Variants in SOS2 observed in about 807,000 individuals in gnomAD.
SOS2 encodes son of sevenless homolog 2.
A neutral mutation model predicts 148.2 loss-of-function variants in SOS2; 65 were observed. That is an observed-to-expected ratio of 0.44 (90% confidence interval 0.36 to 0.54). The LOEUF is 0.54. SOS2 is among the 20% of genes least tolerant of loss of function. SOS2 has a pLI of 0.00. For missense variants in SOS2, 1,341 were observed against 1,590.2 expected (o/e 0.84, Z 2.67); for synonymous variants, 539 against 537.1 (o/e 1.00, Z -0.05).
At chr14:50,144,019 C>A (rs1266399910) in intron 16 of SOS2, among the ~76,000 whole-genome samples, 6 of 151,974 alleles carry the variant, frequency 3.9e-5, no homozygotes, top group African/African-American at 1.5e-4. Flanking sequence ...CTACGAAACA[C>A]CTTGGCAAAA....
In SOS2 at chr14:50,182,503, G is replaced by A. The variant is rs1215074564; in HGVS notation, c.818C>T (p.Pro273Leu). ...DTVEMTDESS[P>L]HPLAGSCFED... ...AAAACAGCTGCCAGCTAAGGGATGA[G>A]GACTGCTTTCATCAGTCATTTCAAC... The change falls in exon 6 of 23, where the codon CCT (proline) becomes CTT (leucine). Residue 273 changes from proline (P) to leucine (L), a missense_variant. Around this residue, in one of 4 missense-constraint regions of SOS2, gnomAD observed 574 missense variants for 711.1 expected, o/e 0.81. Transcript: ENST00000216373. 6.2e-7 allele frequency: 1 copy of A among 1,613,510 alleles called. No homozygotes were observed. Among genetic ancestry groups the A allele is most frequent in the South Asian group, 1.1e-5 (1 of 91,078 alleles).
At chr14:50,178,201 G>A (rs1885588989) in intron 7 of SOS2, among the ~76,000 whole-genome samples, 1 of 152,162 alleles carries the variant, frequency 6.6e-6, no homozygotes, top group African/African-American at 2.4e-5. Flanking sequence ...CTAGTGGGAG[G>A]TAACTGGATC....
At chr14:50,173,462 C>T (rs1885432701) in intron 8 of SOS2, among the ~76,000 whole-genome samples, 1 of 151,940 alleles carries the variant, frequency 6.6e-6, no homozygotes, top group East Asian at 1.9e-4. Flanking sequence ...CGCTCTGTCG[C>T]CCAGGCTGGA....
chr14:50,214,536 A>C (rs560983429), intron 1 of SOS2, among the ~76,000 whole-genome samples: 2 of 152,146 alleles, frequency 1.3e-5, no homozygotes, highest in Non-Finnish European at 2.9e-5. Flanking sequence ...ACATTTAACT[A>C]GGCGTAGTGG....
At chr14:50,226,256 A>T (rs1449969972) in intron 1 of SOS2, among the ~76,000 whole-genome samples, 1 of 152,194 alleles carries the variant, frequency 6.6e-6, no homozygotes, top group Non-Finnish European at 1.5e-5. Flanking sequence ...CAGCCTGGAG[A>T]CAGTAATATT....
chr14:50,140,602 G>C (rs1286815689), intron 16 of SOS2, among the ~76,000 whole-genome samples: 1 of 152,184 alleles, frequency 6.6e-6, no homozygotes, highest in African/African-American at 2.4e-5. Flanking sequence ...CACTATGCTT[G>C]ATGGAGAACC....
chr14:50,205,165 T>A (rs2139799261), intron 1 of SOS2, among the ~76,000 whole-genome samples: 1 of 152,202 alleles, frequency 6.6e-6, no homozygotes, highest in Middle Eastern at 3.4e-3. Flanking sequence ...CCCTCCCACC[T>A]CAGTCTCCCA....
chr14:50,208,344 A>G (rs1278910857), intron 1 of SOS2, among the ~76,000 whole-genome samples: 2 of 151,980 alleles, frequency 1.3e-5, no homozygotes, highest in African/African-American at 4.8e-5. Flanking sequence ...CATTTGATAA[A>G]GGATGTATAC....
intron 1 of SOS2, among the ~76,000 whole-genome samples, chr14:50,209,824 G>A (rs77010672): frequency 0.011 from 1,648 of 151,892 alleles, 22 homozygotes; most frequent in African/African-American, 0.035. Context: ...TACCTGATAA[G>A]GTACACATGA....
At chr14:50,158,463 T>C (rs1160183739) in intron 11 of SOS2, 102 bp downstream of exon 11, 4 of 654,660 alleles carry the variant, frequency 6.1e-6, no homozygotes, top group Non-Finnish European at 1.1e-5. Flanking sequence ...ATAAAATATG[T>C]TCAATAATTA....
chr14:50,221,760 C>G (rs576969006), intron 1 of SOS2, among the ~76,000 whole-genome samples: 2 of 152,120 alleles, frequency 1.3e-5, no homozygotes, highest in East Asian at 3.9e-4. Flanking sequence ...ATCGCTTGAG[C>G]CTGGGAGGTT....
intron 1 of SOS2, among the ~76,000 whole-genome samples, chr14:50,216,103 T>G (rs932754854): frequency 6.0e-4 from 2 of 3,332 alleles, no homozygotes; most frequent in African/African-American, 1.0e-3. Flanking sequence ...TTTTTTTTGT[T>G]TTTTTTTTTT....
chr14:50,214,696 G>GT (rs1886987527), intron 1 of SOS2, among the ~76,000 whole-genome samples: 1 of 147,326 alleles, frequency 6.8e-6, no homozygotes, highest in Admixed American at 6.8e-5. Context: ...TCATAAGGCC[G>GT]TTTCTTTTTT....
intron 18 of SOS2, 24 bp from the exon 19 acceptor site, chr14:50,134,263 G>C (rs754015251): frequency 9.6e-7 from 1 of 1,044,114 alleles, no homozygotes; most frequent in Non-Finnish European, 1.5e-6. Context: ...AATAACACAA[G>C]TGCATATATA....
intron 10 of SOS2, 77 bp from the exon 11 acceptor site, chr14:50,158,723 G>A (rs1426480970): frequency 1.1e-6 from 1 of 902,192 alleles, no homozygotes; most frequent in African/African-American, 1.7e-5. Context: ...ATATTTGGAG[G>A]CCTTCCTCCC....
rs1445295154 is a variant in SOS2 at position 50,160,090 on chromosome 14, G to GA, written c.1197-5dup. The GA allele has an allele frequency of 3.7e-6, 6 of 1,601,926 alleles. No individual in the cohort carries two copies. The African/African-American group carries it at 4.0e-5, about 11-fold the overall frequency. ...ATAAAAAGGGCAAACAGGATCTCTA[G>GA]AAAAAACAAACAATATAGCTTATTC... On this transcript the variant is annotated splice_region_variant and splice_polypyrimidine_tract_variant and intron_variant, in intron 9 of 22. Transcript: ENST00000216373.
chr14:50,126,273 C>T (rs539060596), intron 21 of SOS2, among the ~76,000 whole-genome samples: 1 of 152,182 alleles, frequency 6.6e-6, no homozygotes, highest in Admixed American at 6.5e-5. Context: ...TTCATCATTT[C>T]TTTGTGGTGA....
intron 21 of SOS2, among the ~76,000 whole-genome samples, chr14:50,125,583 G>A (rs183120567): frequency 1.4e-3 from 148 of 105,736 alleles, no homozygotes; most frequent in African/African-American, 5.4e-3. Context: ...TAATGTATAT[G>A]GAGACAGATG....
intron 8 of SOS2, among the ~76,000 whole-genome samples, chr14:50,170,805 T>C (rs1282212391): frequency 6.8e-6 from 1 of 147,584 alleles, no homozygotes; most frequent in Non-Finnish European, 1.5e-5. Context: ...TTAGGATGAC[T>C]ATTATTAAAA....
Sources: gnomAD v4.1 joint callset for allele counts (sites outside exome capture counted in the v4.1 genomes callset) on GRCh38, gnomAD v4.1.1 for gene constraint, gnomAD v4.1.1 regional missense constraint, MANE v1.5 for transcripts, NCBI Gene and HGNC (gene_info 2026-07-23, HGNC 2026-07-21) for gene names.